Variants in MYH6 observed in about 807,000 individuals in gnomAD.
MYH6 encodes myosin heavy chain 6, also known as myosin-6.
A neutral mutation model predicts 223.2 loss-of-function variants in MYH6; 126 were observed. That is an observed-to-expected ratio of 0.56 (90% CI 0.49 to 0.65). MYH6 has a LOEUF of 0.65. Ranked by LOEUF, MYH6 falls within the 30% of genes least tolerant of loss-of-function variation. The pLI is 0.00. For synonymous variants in MYH6, 978 were observed against 1,010.2 expected, an observed-to-expected ratio of 0.97 and a Z score of 0.61; for missense variants, 2,040 against 2,536.4, an observed-to-expected ratio of 0.80 and a Z score of 4.20.
intron 36 of MYH6, 21 bp from the exon 37 acceptor site, chr14:23,383,341 G>GGGGGGGCCCCCCCCCCCCCCC: frequency 5.4e-6 from 3 of 556,558 alleles, no homozygotes; most frequent in Non-Finnish European, 6.5e-6. Flanking sequence ...GAGGGTGGGA[G>GGGGGGGCCCCCCCCCCCCCCC]AAGCTGGTTT....
Position 23,390,442 on chromosome 14 carries a change from C to T in MYH6, c.3347G>A (p.Arg1116His), listed in dbSNP as rs369247906. The T allele has an allele frequency of 4.5e-5, 72 of 1,612,648 alleles. No individual in the cohort carries two copies. Among genetic ancestry groups the T allele is most frequent in the Middle Eastern group, 1.7e-4 (1 of 6,042 alleles). ...LQKKLKENQA[R>H]IEELEEELEA... ...CAGCTCCTCCTCCAGCTCCTCGATG[C>T]GTGCCTGGGTCAGACACAAAGGGCT... Residue 1116 changes from arginine to histidine, a missense_variant, in exon 26 of 39, where the codon CGC (arginine) becomes CAC (histidine). This residue lies in a region of MYH6 where 1,203 missense variants were observed against 1,400.2 expected (regional missense o/e 0.86). Transcript: ENST00000405093.
rs562389906 is a variant in MYH6 at position 23,384,432 on chromosome 14, T to C, written c.5565+10A>G. 4 of 1,608,926 alleles carry C rather than the reference T, an allele frequency of 2.5e-6. No individual in the cohort carries two copies. The highest frequency in any genetic ancestry group is 1.3e-5 in the African/African-American group (1 of 75,022). On this transcript the variant is annotated intron_variant, in intron 36 of 38. Transcript: ENST00000405093. ...CCACATCTACTCCTGGTGTCTGGCG[T>C]CCGCCGCACCTGGTAGGTGAGCTCC...
chr14:23,392,778 C>A lies in MYH6; in HGVS notation c.3252-126G>T, dbSNP rs552873771. 6.8e-6 allele frequency: 10 copies of A among 1,480,828 alleles called. No homozygotes were observed. In the African/African-American group the frequency reaches 9.7e-5, roughly 14 times the overall value. The allele number at this position is 1,480,828 out of a possible 1,614,324, so 91.7% of individuals were successfully genotyped here. A position where few individuals can be genotyped will look rare whatever the true frequency, so the allele number is the denominator to read the frequency against. The stretch of plus-strand genomic sequence containing the variant: ...CTCCCCTCGCCAGCCCAGAAAGTGG[C>A]GGAAGAGGGCTGTGATTGACCTTAT... On this transcript the variant is annotated intron_variant, in intron 24 of 38. Transcript: ENST00000405093.
At chr14:23,383,373 A>T (rs1239226183) in intron 36 of MYH6, 53 bp from the exon 37 acceptor site, 3 of 1,350,138 alleles carry the variant, frequency 2.2e-6, no homozygotes, top group Non-Finnish European at 3.1e-6. Flanking sequence ...AAATGCAATC[A>T]CCTTTCCCTC....
intron 1 of MYH6, 27 bp downstream of exon 1, chr14:23,408,226 G>A: frequency 1.0e-6 from 1 of 985,266 alleles, no homozygotes; most frequent in Non-Finnish European, 1.2e-6. Flanking sequence ...CGGGCTGCAG[G>A]GCATCCCACC....
At chr14:23,386,943 T>G (rs746165988) in intron 32 of MYH6, among the ~76,000 whole-genome samples, 1 of 152,142 alleles carries the variant, frequency 6.6e-6, no homozygotes, top group Non-Finnish European at 1.5e-5. Context: ...ATACAAAATT[T>G]TATCTTGTTT....
chr14:23,400,478 A>G, intron 13 of MYH6, 52 bp from the exon 14 acceptor site: 4 of 1,613,516 alleles, frequency 2.5e-6, no homozygotes, highest in Non-Finnish European at 2.5e-6. Context: ...GTGAGTGGCC[A>G]TTGGGGCTGT....
At position 23,396,713 on chromosome 14, in the gene MYH6, T is replaced by C. The variant is rs528854076; in HGVS notation, c.2273A>G (p.Tyr758Cys). 5.6e-6 allele frequency: 9 copies of C among 1,614,030 alleles called. No homozygotes were observed. The South Asian group carries it at 8.8e-5, about 16-fold the overall frequency. ...ACTCACCTTGGTGTGGCCAAACTTG[T>C]ACTGGTTGTGATCAATGTCCAGAGA... is the stretch of plus-strand genomic sequence containing the variant. ...LSSLDIDHNQ[Y>C]KFGHTKVFFK... The change falls in exon 19 of 39, where the codon TAC (tyrosine) becomes TGC (cysteine). Residue 758 changes from tyrosine to cysteine, a missense_variant. By Grantham distance (194) the Tyr-to-Cys change is radical. Around this residue, in one of 4 missense-constraint regions of MYH6, gnomAD observed 649 missense variants for 877.3 expected, o/e 0.74. Transcript: ENST00000405093.
intron 36 of MYH6, among the ~76,000 whole-genome samples, chr14:23,384,200 AAAAAG>A (rs1430457910): frequency 1.4e-4 from 22 of 151,902 alleles, no homozygotes; most frequent in African/African-American, 5.3e-4. Flanking sequence ...AAAAAAAAAA[AAAAAG>A]AAAGAAAGAA....
chr14:23,402,538 G>A lies in MYH6; in HGVS notation c.1067C>T (p.Ala356Val), dbSNP rs1166636578. The change falls in exon 12 of 39, where the codon GCC (alanine) becomes GTC (valine). Residue 356 changes from alanine to valine, a missense_variant. Transcript: ENST00000405093. ...EKAGVYKLTG[A>V]IMHYGNMKFK... ...CTTCATGTTCCCGTAGTGCATGATG[G>A]CTCCCGTCAGCTTGTAGACGCCAGC... 6.2e-7 allele frequency: 1 copy of A among 1,613,584 alleles called. No homozygotes were observed. The highest frequency in any genetic ancestry group is 8.5e-7 in the Non-Finnish European group (1 of 1,179,954).
intron 25 of MYH6, among the ~76,000 whole-genome samples, chr14:23,391,435 G>A (rs1450950987): frequency 6.6e-6 from 1 of 152,244 alleles, no homozygotes; most frequent in Non-Finnish European, 1.5e-5. Context: ...ACCTAGGGTA[G>A]AAGAACCTGA....
Position 23,386,483 on chromosome 14 carries a change from G to T in MYH6, c.4791C>A (p.Asp1597Glu), listed in dbSNP as rs761627508. ...QAKRNHQRVV[D>E]SLQTSLDAET... ...CTGCATCCAGGGAGGTCTGCAGCGA[G>T]TCCACCACCCGCTGGTGGTTGCGCT... Residue 1597 changes from aspartate (D) to glutamate (E), a missense_variant, in exon 33 of 39, where the codon GAC (aspartate) becomes GAA (glutamate). Physicochemically the swap from Asp to Glu is conservative, Grantham distance 45. Coordinates refer to ENST00000405093, the MANE Select transcript of MYH6 (RefSeq NM_002471.4). 6 of 1,614,036 alleles carry T rather than the reference G, an allele frequency of 3.7e-6. No homozygotes were observed. The Admixed American group carries it at 1.0e-4, about 27-fold the overall frequency.
intron 34 of MYH6, 28 bp from the exon 35 acceptor site, chr14:23,385,069 A>C: frequency 6.2e-7 from 1 of 1,613,740 alleles, no homozygotes; most frequent in Non-Finnish European, 8.5e-7. Context: ...AAAATGATCA[A>C]ATATATACTA....
At position 23,394,035 on chromosome 14, in the gene MYH6, G is replaced by A. The variant is rs771373624; in HGVS notation, c.2685+33C>T. 8 of 1,613,812 alleles carry A rather than the reference G, an allele frequency of 5.0e-6. No homozygotes were observed. The Admixed American group carries it at 8.3e-5, about 17-fold the overall frequency. Reference sequence around the variant, plus strand: ...TGGGCTATAATCTAGGGGAGGGGAGGAGAGGGCTGAAGAGATAATCACGTG... The same window carrying A: ...TGGGCTATAATCTAGGGGAGGGGAGAAGAGGGCTGAAGAGATAATCACGTG... On this transcript the variant is annotated intron_variant, in intron 21 of 38. Transcript: ENST00000405093.
chr14:23,386,269 C>G lies in MYH6; in HGVS notation c.4959+46G>C, dbSNP rs396024. ...ATCCAGACACCACTGCTTCTCCAGG[C>G]CACATGGAGGCCAGTCCCCTGAGGG... On this transcript the variant is annotated intron_variant, in intron 33 of 38. Transcript: ENST00000405093. 161,117 of 1,613,660 alleles carry G rather than the reference C, an allele frequency of 0.1. 9,196 individuals are homozygous for G. The highest frequency in any genetic ancestry group is 0.12 in the Non-Finnish European group (137,068 of 1,179,718).
At position 23,383,339 on chromosome 14, in the gene MYH6, G is replaced by GGGGGGGGGGGCCCCCCCCCC; in HGVS notation, c.5566-20_5566-19insGGGGGGGGGGCCCCCCCCCC. ...CCTCTGTCTGGGGGTGGGAGGGTGG[G>GGGGGGGGGGGCCCCCCCCCC]AGAAGCTGGTTTGGAGGGGGAGCAA... On this transcript the variant is annotated intron_variant, in intron 36 of 38. Transcript: ENST00000405093. 9.2e-6 allele frequency: 1 copy of GGGGGGGGGGGCCCCCCCCCC among 108,144 alleles called. No homozygotes were observed. The allele number at this position is 108,144 out of a possible 1,614,324, so 6.7% of individuals were successfully genotyped here.
At position 23,394,282 on chromosome 14, in the gene MYH6, A is replaced by T; in HGVS notation, c.2471T>A (p.Met824Lys). Residue 824 changes from methionine to lysine, a missense_variant, in exon 21 of 39, where the codon ATG becomes AAG. Met to Lys is a moderately conservative substitution (Grantham distance 95). Coordinates refer to ENST00000405093, the MANE Select transcript of MYH6 (RefSeq NM_002471.4). ...CATCCAGGGCCAATTCTTGACCCCC[A>T]TGAAGGCCCGAATGTTCCACTGGAT... ...LVIQWNIRAF[M>K]GVKNWPWMKL... 2 of 1,614,182 alleles carry T rather than the reference A, an allele frequency of 1.2e-6. No individual in the cohort carries two copies. Among genetic ancestry groups the T allele is most frequent in the Non-Finnish European group, 1.7e-6 (2 of 1,180,026 alleles).
intron 13 of MYH6, 120 bp from the exon 14 acceptor site, chr14:23,400,546 T>C: frequency 4.4e-6 from 7 of 1,586,270 alleles, no homozygotes; most frequent in Non-Finnish European, 6.0e-6. Flanking sequence ...GTCAGGGCAG[T>C]GGAGGAGGGC....
intron 34 of MYH6, 54 bp from the exon 35 acceptor site, chr14:23,385,095 T>G: frequency 6.2e-7 from 1 of 1,609,670 alleles, no homozygotes; most frequent in Admixed American, 1.7e-5. Flanking sequence ...TGTTACCTGA[T>G]TTCATACCCT....
Sources: allele counts gnomAD v4.1 joint callset (sites outside exome capture counted in the v4.1 genomes callset), GRCh38; gene constraint gnomAD v4.1.1; regional missense constraint gnomAD v4.1.1; transcripts MANE v1.5; gene names NCBI Gene and HGNC (gene_info 2026-07-23, HGNC 2026-07-21).